The following TNIK variants were observed in gnomAD, a reference collection of about 807,000 sequenced individuals.
TNIK encodes the protein TRAF2 and NCK-interacting protein kinase.
A neutral mutation model predicts 191.3 loss-of-function variants in TNIK; 49 were observed. The ratio of observed to expected loss-of-function variants is 0.26; its 90% CI spans 0.20 to 0.32. The LOEUF is 0.32. TNIK is among the 10% of genes least tolerant of loss of function. The pLI is 1.00. For missense variants in TNIK, 1,155 were observed against 1,702.3 expected (o/e 0.68, Z 5.66); for synonymous variants, 594 against 600.9 (o/e 0.99, Z 0.17).
Position 171,157,683 on chromosome 3 carries a change from G to T in TNIK, c.1017-19C>A. ...GATGGAGCTGTGGGTAGGAGAGAGT[G>T]ATCAGGATCCCACGTGGGGCAGGGG... On this transcript the variant is annotated intron_variant, in intron 11 of 32. Coordinates refer to ENST00000436636, the MANE Select transcript of TNIK (RefSeq NM_015028.4). The T allele has an allele frequency of 6.4e-7, 1 of 1,551,888 alleles. No homozygotes were observed. The highest frequency in any genetic ancestry group is 1.2e-5 in the South Asian group (1 of 84,048).
At chr3:171,326,349 A>G (rs1755745789) in intron 2 of TNIK, among the ~76,000 whole-genome samples, 1 of 152,188 alleles carries the variant, frequency 6.6e-6, no homozygotes, top group African/African-American at 2.4e-5. Context: ...GTTACAGAGT[A>G]TTATAGACAG....
rs949095703 is a variant in TNIK, at chr3:171,366,141, G to T, written c.123+3479C>A. On this transcript the variant is annotated intron_variant, in intron 2 of 32. Coordinates refer to ENST00000436636, the MANE Select transcript of TNIK (RefSeq NM_015028.4). The surrounding 1 kb of genome is among the most constrained non-coding windows in gnomAD (Gnocchi z 4.1). ...AACAGCCAAGACCTTTAGTAAATGG[G>T]TATGTGGCCTTTTGTTGGTTTATTT... Among the ~76,000 whole-genome samples, 1 of 152,148 alleles carries T rather than the reference G, an allele frequency of 6.6e-6. No homozygotes were observed. The highest frequency in any genetic ancestry group is 1.5e-5 in the Non-Finnish European group (1 of 68,010).
intron 1 of TNIK, among the ~76,000 whole-genome samples, chr3:171,384,968 A>C (rs1054192415): frequency 3.9e-5 from 6 of 152,190 alleles, no homozygotes; most frequent in African/African-American, 1.4e-4. Context: ...AAATGAGCTA[A>C]AGAGAATGAA....
chr3:171,267,641 A>T (rs889825411), intron 2 of TNIK, among the ~76,000 whole-genome samples: 4 of 152,208 alleles, frequency 2.6e-5, no homozygotes, highest in Middle Eastern at 3.2e-3. Flanking sequence ...TATTAATAAC[A>T]TCTTATCGTA....
chr3:171,262,302 C>T (rs1250970561), intron 2 of TNIK, among the ~76,000 whole-genome samples: 3 of 152,114 alleles, frequency 2.0e-5, no homozygotes, highest in Non-Finnish European at 4.4e-5. Context: ...CCCACCCCAC[C>T]CCACTCCACC....
intron 2 of TNIK, among the ~76,000 whole-genome samples, chr3:171,228,532 G>A (rs1391244037): frequency 6.6e-6 from 1 of 152,212 alleles, no homozygotes; most frequent in Non-Finnish European, 1.5e-5. Context: ...TCGAAGGGGA[G>A]CTAGGCCTGC....
intron 2 of TNIK, among the ~76,000 whole-genome samples, chr3:171,357,084 G>T (rs1237971024): frequency 6.6e-6 from 1 of 152,000 alleles, no homozygotes; most frequent in Non-Finnish European, 1.5e-5. Flanking sequence ...TAAAAAGAAG[G>T]GAAAACAATT....
At position 171,410,250 on chromosome 3, in the gene TNIK, T is replaced by C. The variant is rs188275967; in HGVS notation, c.58-40565A>G. On this transcript the variant is annotated intron_variant, in intron 1 of 32. Transcript: ENST00000436636. ...AACTTAGTGGCTTTAAGTAGTAATT[T>C]TATTATCTTTCATGGTTCTAGTAGC... 1.8e-4 allele frequency among the ~76,000 whole-genome samples: 28 copies of C among 152,298 alleles called. 1 individual carries two copies. The highest frequency in any genetic ancestry group is 1.1e-3 in the Admixed American group (17 of 15,298).
chr3:171,059,716 G>T lies in TNIK; in HGVS notation c.*4165C>A, dbSNP rs918627076. Among the ~76,000 whole-genome samples, 1 of 152,096 alleles carries T rather than the reference G, an allele frequency of 6.6e-6. No homozygotes were observed. The highest frequency in any genetic ancestry group is 2.4e-5 in the African/African-American group (1 of 41,424). ...TGGCATTTATGAGAAATATTAGCAG[G>T]TAAATTAAATCAAATTTAGACTTTT... On this transcript the variant is annotated 3_prime_UTR_variant, in exon 33 of 33. Transcript: ENST00000436636.
intron 2 of TNIK, among the ~76,000 whole-genome samples, chr3:171,265,438 A>G (rs1577296406): frequency 1.3e-5 from 2 of 152,198 alleles, no homozygotes; most frequent in South Asian, 4.1e-4. Context: ...TTCTCAGTGG[A>G]ACTGGATTCT....
At chr3:171,151,287 A>G (rs1305789111) in intron 12 of TNIK, among the ~76,000 whole-genome samples, 1 of 152,208 alleles carries the variant, frequency 6.6e-6, no homozygotes, top group Non-Finnish European at 1.5e-5. Context: ...TCTTAATGAT[A>G]TAACTGAATT....
chr3:171,091,591 A>T (rs1722062834), intron 23 of TNIK, among the ~76,000 whole-genome samples: 1 of 151,844 alleles, frequency 6.6e-6, no homozygotes, highest in Non-Finnish European at 1.5e-5. Flanking sequence ...AAAATACAAA[A>T]ATTTAGCTGG....
At chr3:171,265,958 G>T (rs1419544780) in intron 2 of TNIK, among the ~76,000 whole-genome samples, 2 of 152,200 alleles carry the variant, frequency 1.3e-5, no homozygotes, top group Non-Finnish European at 2.9e-5. Context: ...GACATAGCCG[G>T]CCAGGCTGTC....
chr3:171,408,204 A>C (rs571762718), intron 1 of TNIK, among the ~76,000 whole-genome samples: 1 of 152,344 alleles, frequency 6.6e-6, no homozygotes, highest in South Asian at 2.1e-4. Context: ...TCTTTATTAA[A>C]TAAATGAAAA....
intron 25 of TNIK, 73 bp downstream of exon 25, chr3:171,085,045 T>G (rs952689850): frequency 2.4e-6 from 3 of 1,239,804 alleles, no homozygotes; most frequent in Non-Finnish European, 3.4e-6. Context: ...GAACTGAGGA[T>G]TAATTTCCTT....
At chr3:171,402,054 T>G (rs1721019851) in intron 1 of TNIK, among the ~76,000 whole-genome samples, 2 of 152,238 alleles carry the variant, frequency 1.3e-5, no homozygotes, top group South Asian at 4.1e-4. Flanking sequence ...CAAGAAATGC[T>G]AATAATCATA....
chr3:171,112,742 C>CT (rs1025105515), intron 18 of TNIK, among the ~76,000 whole-genome samples: 4 of 151,658 alleles, frequency 2.6e-5, no homozygotes, highest in African/African-American at 9.7e-5. Flanking sequence ...TTGCATCTTG[C>CT]TTTTTTCCCT....
intron 1 of TNIK, among the ~76,000 whole-genome samples, chr3:171,432,374 C>A (rs1310888967): frequency 6.6e-6 from 1 of 152,016 alleles, no homozygotes; most frequent in Non-Finnish European, 1.5e-5. Flanking sequence ...AGGAACAGAA[C>A]CAAAAATAAA....
intron 2 of TNIK, chr3:171,346,930 G>T: frequency 4.1e-6 from 2 of 490,026 alleles, no homozygotes; most frequent in Non-Finnish European, 3.6e-6. Flanking sequence ...ACAGGAGAGA[G>T]ACATGATCAA....
Sources: gnomAD v4.1 joint callset for allele counts (sites outside exome capture counted in the v4.1 genomes callset) on GRCh38, gnomAD v4.1.1 for gene constraint, Gnocchi (gnomAD v3.1) non-coding constraint, MANE v1.5 for transcripts, NCBI Gene and HGNC (gene_info 2026-07-23, HGNC 2026-07-21) for gene names.